PLA2G2C: variants seen among roughly 807,000 people sequenced by gnomAD.
PLA2G2C encodes the protein phospholipase A2 group IIC.
A neutral mutation model predicts 14.3 loss-of-function variants in PLA2G2C; 15 were observed. The ratio of observed to expected loss-of-function variants is 1.05; its 90% CI spans 0.70 to 1.62. The LOEUF (loss-of-function observed/expected upper bound fraction) is 1.62, where lower values mean the gene tolerates loss of function less well. Ranked by LOEUF, PLA2G2C falls within the 40% of genes most tolerant of loss-of-function variation. PLA2G2C has a pLI of 0.00. For synonymous variants in PLA2G2C, 79 were observed against 67.7 expected (o/e 1.17, Z -0.82); for missense variants, 162 against 173.2 (o/e 0.94, Z 0.36).
intron 1 of PLA2G2C, among the ~76,000 whole-genome samples, chr1:20,179,725 CCTCT>C (rs894905681): frequency 5.7e-5 from 6 of 105,426 alleles, no homozygotes; most frequent in East Asian, 5.9e-4. Flanking sequence ...TCAGCTTCTC[CCTCT>C]ATGTCAGTGT....
At chr1:20,175,233 G>C in intron 2 of PLA2G2C, 88 bp from the exon 3 acceptor site, 1 of 1,585,888 alleles carries the variant, frequency 6.3e-7, no homozygotes, top group Admixed American at 1.7e-5. Context: ...CTAGAGTGCT[G>C]AGCATTCGAA....
chr1:20,175,707 A>G (rs1279607488), intron 2 of PLA2G2C, among the ~76,000 whole-genome samples: 1 of 152,224 alleles, frequency 6.6e-6, no homozygotes, highest in Non-Finnish European at 1.5e-5. Context: ...ATTATCTGTG[A>G]TATCAAAAAA....
intron 4 of PLA2G2C, among the ~76,000 whole-genome samples, chr1:20,165,120 C>T (rs2017954378): frequency 6.6e-6 from 1 of 152,226 alleles, no homozygotes; most frequent in Admixed American, 6.5e-5. Context: ...TCCCCCTCCA[C>T]TCTCCCAGCC....
intron 1 of PLA2G2C, among the ~76,000 whole-genome samples, chr1:20,178,793 G>C (rs2018230818): frequency 6.6e-6 from 1 of 152,206 alleles, no homozygotes; most frequent in South Asian, 2.1e-4. Flanking sequence ...CTTCTAATGA[G>C]AACATTCTGA....
Position 20,177,331 on chromosome 1 carries a change from G to A in PLA2G2C, c.33C>T (p.Leu11=), listed in dbSNP as rs1243237939. ...ACCAAGCTCTCTACTTACAGCAGAA[G>A]AGGAGGAGGGTGAGGATGGCAATGA... MKVIAILTLL[L]FCSPTHSSFW... The change falls in exon 2 of 5, where the codon CTC becomes CTT. Residue 11 remains leucine, a synonymous_variant. Transcript: ENST00000679259. 1.4e-6 allele frequency: 1 copy of A among 700,792 alleles called. No individual in the cohort carries two copies. The highest frequency in any genetic ancestry group is 2.6e-6 in the Non-Finnish European group (1 of 384,882). 43.4% of individuals were successfully genotyped at this position (700,792 alleles called of 1,614,324 possible). A position where few individuals can be genotyped will look rare whatever the true frequency, so the allele number is the denominator to read the frequency against.
intron 1 of PLA2G2C, among the ~76,000 whole-genome samples, chr1:20,178,133 A>C (rs1482640412): frequency 6.6e-6 from 1 of 152,234 alleles, no homozygotes; most frequent in Non-Finnish European, 1.5e-5. Flanking sequence ...TATCAAATGC[A>C]GTCATAGGTA....
intron 4 of PLA2G2C, among the ~76,000 whole-genome samples, chr1:20,165,936 C>T (rs892618397): frequency 4.6e-5 from 7 of 152,194 alleles, no homozygotes; most frequent in South Asian, 2.1e-4. Flanking sequence ...ACCAGACGCC[C>T]GGTTTATGAC....
intron 4 of PLA2G2C, among the ~76,000 whole-genome samples, chr1:20,164,941 A>G (rs2100710096): frequency 6.6e-6 from 1 of 152,364 alleles, no homozygotes; most frequent in East Asian, 1.9e-4. Context: ...ACGGAAGGAA[A>G]TAAGCAGGGA....
chr1:20,176,876 C>T (rs557520988), intron 2 of PLA2G2C, among the ~76,000 whole-genome samples: 21 of 152,300 alleles, frequency 1.4e-4, no homozygotes, highest in African/African-American at 4.8e-4. Flanking sequence ...TCGGATCTCC[C>T]GGCAGCAATG....
intron 1 of PLA2G2C, among the ~76,000 whole-genome samples, chr1:20,178,346 G>T (rs2018222110): frequency 6.6e-6 from 1 of 152,192 alleles, no homozygotes; most frequent in South Asian, 2.1e-4. Flanking sequence ...CAATAGCTCG[G>T]TTGAGCCTAG....
At chr1:20,167,085 G>C (rs1440580659) in intron 4 of PLA2G2C, among the ~76,000 whole-genome samples, 1 of 152,202 alleles carries the variant, frequency 6.6e-6, no homozygotes, top group Admixed American at 6.5e-5. Flanking sequence ...CCACAAATAA[G>C]AAGAGGCAGC....
chr1:20,167,316 C>T (rs974397193), intron 4 of PLA2G2C, among the ~76,000 whole-genome samples: 2 of 152,186 alleles, frequency 1.3e-5, no homozygotes, highest in African/African-American at 4.8e-5. Flanking sequence ...GTGTCTCAAA[C>T]TCAAGGTGAC....
At chr1:20,170,088 C>A (rs998529108) in intron 4 of PLA2G2C, among the ~76,000 whole-genome samples, 2 of 152,220 alleles carry the variant, frequency 1.3e-5, no homozygotes, top group African/African-American at 4.8e-5. Flanking sequence ...CTCTCTGAGC[C>A]CCAGGGTCCT....
At chr1:20,166,707 T>G (rs564351294) in intron 4 of PLA2G2C, among the ~76,000 whole-genome samples, 65 of 152,338 alleles carry the variant, frequency 4.3e-4, no homozygotes, top group African/African-American at 1.5e-3. Flanking sequence ...TCTCTAGCTC[T>G]CCTTCCTTTC....
intron 2 of PLA2G2C, among the ~76,000 whole-genome samples, chr1:20,177,100 C>T (rs1418745814): frequency 1.3e-5 from 2 of 152,130 alleles, no homozygotes; most frequent in African/African-American, 2.4e-5. Flanking sequence ...TGGTTGGCAA[C>T]CTCTGATTTC....
Position 20,173,340 on chromosome 1 carries a change from T to A in PLA2G2C, c.180-443A>T, listed in dbSNP as rs1024258306. Among the ~76,000 whole-genome samples the A allele has an allele frequency of 4.6e-5, 7 of 151,978 alleles. No homozygotes were observed. In the Middle Eastern group the frequency reaches 0.01, roughly 222 times the overall value. On this transcript the variant is annotated intron_variant, in intron 3 of 4. Coordinates refer to ENST00000679259, the MANE Select transcript of PLA2G2C (RefSeq NM_001367969.2). The stretch of plus-strand genomic sequence containing the variant: ...CCCAAAAAATAAATAAAATAAAAAA[T>A]AATAATAATAACCAGTAGCATTTCC...
chr1:20,173,063 C>G (rs868326436), intron 3 of PLA2G2C, among the ~76,000 whole-genome samples, 166 bp from the exon 4 acceptor site: 1 of 151,608 alleles, frequency 6.6e-6, no homozygotes, highest in Non-Finnish European at 1.5e-5. Context: ...AATCCCAGCA[C>G]TTTGTGAGGA....
intron 1 of PLA2G2C, among the ~76,000 whole-genome samples, chr1:20,182,399 G>C (rs1448165091): frequency 6.6e-6 from 1 of 152,152 alleles, no homozygotes; most frequent in Admixed American, 6.5e-5. Flanking sequence ...ACAGTATTTA[G>C]AACGGCAACA....
rs527339114 is a variant in PLA2G2C, at chr1:20,180,430, C to T, written c.-76-2991G>A. 3.9e-5 allele frequency among the ~76,000 whole-genome samples: 6 copies of T among 152,316 alleles called. No individual in the cohort carries two copies. In the South Asian group the frequency reaches 1.2e-3, roughly 32 times the overall value. The stretch of plus-strand genomic sequence containing the variant: ...CTCTGCTCCTGTTTACTCCTCACTA[C>T]AACCCTACCAGGCAGGTTCTATCAC... On this transcript the variant is annotated intron_variant, in intron 1 of 4. Transcript: ENST00000679259.
Sources: allele counts gnomAD v4.1 joint callset (sites outside exome capture counted in the v4.1 genomes callset), GRCh38; gene constraint gnomAD v4.1.1; transcripts MANE v1.5; gene names NCBI Gene and HGNC (gene_info 2026-07-23, HGNC 2026-07-21).